Variants in FILIP1 observed in about 807,000 individuals in gnomAD.
The protein encoded by FILIP1 is filamin A interacting protein 1, also known as filamin-A-interacting protein 1.
Under a neutral mutation model 102.1 loss-of-function variants are expected in FILIP1, and 61 were observed. The observed-to-expected ratio is 0.60, with a 90% CI of 0.49 to 0.74. The LOEUF (loss-of-function observed/expected upper bound fraction) is 0.74. FILIP1 is among the 30% of genes least tolerant of loss of function. The pLI is 0.00. For synonymous variants in FILIP1, 491 were observed against 526.9 expected (o/e 0.93, Z 0.93); for missense variants, 1,314 against 1,441.2 (o/e 0.91, Z 1.43).
chr6:75,416,437 G>C (rs376682407), intron 1 of FILIP1, among the ~76,000 whole-genome samples: 18 of 152,114 alleles, frequency 1.2e-4, no homozygotes, highest in African/African-American at 4.3e-4. Context: ...TCAATGATTA[G>C]TTCCCAATTT....
chr6:75,317,525 T>G (rs1055262135), intron 4 of FILIP1, among the ~76,000 whole-genome samples: 1 of 152,182 alleles, frequency 6.6e-6, no homozygotes, highest in Admixed American at 6.5e-5. Context: ...AATAAATATT[T>G]TTGTCATTAT....
chr6:75,405,042 C>G (rs528704185), intron 2 of FILIP1, among the ~76,000 whole-genome samples: 1 of 152,226 alleles, frequency 6.6e-6, no homozygotes, highest in South Asian at 2.1e-4. Context: ...AACATCTATA[C>G]TGGCTAAGCT....
intron 5 of FILIP1, among the ~76,000 whole-genome samples, 159 bp from the exon 6 acceptor site, chr6:75,309,056 T>C (rs576839047): frequency 4.3e-4 from 66 of 152,340 alleles, no homozygotes; most frequent in African/African-American, 1.5e-3. Context: ...AGTTTGTATC[T>C]AATCCACTCT....
At chr6:75,362,988 A>C in intron 2 of FILIP1, 71 bp from the exon 3 acceptor site, 5 of 1,471,858 alleles carry the variant, frequency 3.4e-6, no homozygotes, top group Non-Finnish European at 4.7e-6. Context: ...AAAAATCAAC[A>C]GAGAGCTTAT....
At chr6:75,379,644 A>G (rs1464450568) in intron 2 of FILIP1, among the ~76,000 whole-genome samples, 1 of 151,718 alleles carries the variant, frequency 6.6e-6, no homozygotes, top group Admixed American at 6.6e-5. Flanking sequence ...CATAACCACT[A>G]CCTCCTCTCT....
chr6:75,443,386 A>G (rs1778339162), intron 1 of FILIP1, among the ~76,000 whole-genome samples: 2 of 152,344 alleles, frequency 1.3e-5, no homozygotes, highest in Admixed American at 6.5e-5. Context: ...CATTTCAAAA[A>G]TCTACCAATT....
intron 2 of FILIP1, among the ~76,000 whole-genome samples, chr6:75,381,416 G>C (rs1334875994): frequency 1.3e-5 from 2 of 152,098 alleles, no homozygotes; most frequent in Non-Finnish European, 1.5e-5. Flanking sequence ...TTTTAGTAGA[G>C]ATGAGGTTTC....
At chr6:75,363,537 G>C (rs1393757007) in intron 2 of FILIP1, among the ~76,000 whole-genome samples, 1 of 80,992 alleles carries the variant, frequency 1.2e-5, no homozygotes, top group Non-Finnish European at 2.9e-5. Flanking sequence ...TTTAACATCA[G>C]ACTGTCAGTT....
At chr6:75,402,100 T>C (rs1177472499) in intron 2 of FILIP1, among the ~76,000 whole-genome samples, 1 of 152,194 alleles carries the variant, frequency 6.6e-6, no homozygotes, top group Non-Finnish European at 1.5e-5. Flanking sequence ...TTTATTAATA[T>C]GTCTTTTTTT....
rs746305022 is a variant in FILIP1 at position 75,414,894 on chromosome 6, C to T, written c.79G>A (p.Ala27Thr). ...TCTTCTGAGAGACTTTTTTCACCAG[C>T]ATTGCCGATGATGGAGGGCTTGGGA... ...SCPKPSIIGN[A>T]GEKSLSEDAK... The change falls in exon 2 of 6, where the codon GCT (alanine) becomes ACT (threonine). Residue 27 changes from alanine (A) to threonine (T), a missense_variant. Coordinates refer to ENST00000237172, the MANE Select transcript of FILIP1 (RefSeq NM_015687.5). 1.2e-6 allele frequency: 2 copies of T among 1,613,860 alleles called. No individual in the cohort carries two copies. The highest frequency in any genetic ancestry group is 1.1e-5 in the South Asian group (1 of 91,066).
In FILIP1 at chr6:75,318,222, T is replaced by C. The variant is rs6938694; in HGVS notation, c.630-3020A>G. Among the ~76,000 whole-genome samples, 1,077 of 150,082 alleles carry C rather than the reference T, an allele frequency of 7.2e-3. 15 individuals are homozygous for C. Among genetic ancestry groups the C allele is most frequent in the African/African-American group, 0.025 (1,031 of 40,822 alleles). ...TAGACTCCTATAATATCAATTATTA[T>C]ACAGTCTTTTTTTTTTTTTTTTTTT... On this transcript the variant is annotated intron_variant, in intron 4 of 5. Coordinates refer to ENST00000237172, the MANE Select transcript of FILIP1 (RefSeq NM_015687.5).
intron 2 of FILIP1, among the ~76,000 whole-genome samples, chr6:75,387,526 A>G (rs1280974272): frequency 6.6e-6 from 1 of 152,072 alleles, no homozygotes. Context: ...GAGCGTTCCT[A>G]TTTCTCCACA....
intron 1 of FILIP1, among the ~76,000 whole-genome samples, chr6:75,459,795 C>T (rs1451462012): frequency 6.6e-6 from 1 of 152,086 alleles, no homozygotes; most frequent in Non-Finnish European, 1.5e-5. Context: ...TTCAGGTTAC[C>T]CACACACTTT....
intron 4 of FILIP1, among the ~76,000 whole-genome samples, chr6:75,331,724 A>G (rs1774090929): frequency 6.6e-6 from 1 of 152,052 alleles, no homozygotes; most frequent in Non-Finnish European, 1.5e-5. Flanking sequence ...CTGCGACTCT[A>G]TTTCAGCTCC....
intron 2 of FILIP1, among the ~76,000 whole-genome samples, chr6:75,366,337 CACAAGTTT>C (rs1378931308): frequency 5.3e-5 from 8 of 152,194 alleles, no homozygotes; most frequent in South Asian, 4.1e-4. Flanking sequence ...TGCTGGTTTG[CACAAGTTT>C]ACATGGCTTG....
At chr6:75,383,739 C>G (rs1775980263) in intron 2 of FILIP1, among the ~76,000 whole-genome samples, 1 of 152,076 alleles carries the variant, frequency 6.6e-6, no homozygotes, top group Non-Finnish European at 1.5e-5. Context: ...TCATTTAAAC[C>G]TTACATAACC....
intron 4 of FILIP1, among the ~76,000 whole-genome samples, chr6:75,332,726 G>A (rs1335841710): frequency 2.0e-5 from 3 of 152,180 alleles, no homozygotes. Flanking sequence ...TCTCCCATGT[G>A]TGAGGGTCTC....
chr6:75,449,950 T>C (rs1778566683), intron 1 of FILIP1, among the ~76,000 whole-genome samples: 1 of 152,144 alleles, frequency 6.6e-6, no homozygotes, highest in Admixed American at 6.5e-5. Flanking sequence ...TTTCTTTTTT[T>C]AGAGACAGGG....
intron 2 of FILIP1, among the ~76,000 whole-genome samples, chr6:75,371,345 G>A (rs1451733027): frequency 6.6e-6 from 1 of 152,122 alleles, no homozygotes; most frequent in Non-Finnish European, 1.5e-5. Context: ...AAAGAAATCT[G>A]TTACTAAAAT....
Sources: gnomAD v4.1 joint callset for allele counts (sites outside exome capture counted in the v4.1 genomes callset) on GRCh38, gnomAD v4.1.1 for gene constraint, MANE v1.5 for transcripts, NCBI Gene and HGNC (gene_info 2026-07-23, HGNC 2026-07-21) for gene names.